CCDC68: variants seen among roughly 807,000 people sequenced by gnomAD.
CCDC68 encodes coiled-coil domain containing 68, also known as coiled-coil domain-containing protein 68.
In CCDC68, 45 loss-of-function variants were observed where a neutral mutation model predicts 47.1. The observed-to-expected ratio is 0.96, with a 90% confidence interval of 0.75 to 1.23. The LOEUF (loss-of-function observed/expected upper bound fraction) is 1.23, where lower values mean the gene tolerates loss of function less well. CCDC68 is among the 50% of genes most tolerant of loss of function. CCDC68 has a pLI of 0.00. For missense variants in CCDC68, 353 were observed against 373.6 expected, an observed-to-expected ratio of 0.94 and a Z score of 0.45; for synonymous variants, 131 against 129.5, an observed-to-expected ratio of 1.01 and a Z score of -0.08.
intron 7 of CCDC68, among the ~76,000 whole-genome samples, 172 bp from the exon 8 acceptor site, chr18:54,929,054 A>C (rs2044198363): frequency 6.6e-6 from 1 of 152,224 alleles, no homozygotes; most frequent in Admixed American, 6.5e-5. Flanking sequence ...CTTTGCACAT[A>C]GTTCAACTAT....
At position 54,904,445 on chromosome 18, in the gene CCDC68, T is replaced by C. The variant is rs1324722042; in HGVS notation, c.951-30A>G. 3 of 1,575,756 alleles carry C rather than the reference T, an allele frequency of 1.9e-6. No homozygotes were observed. The South Asian group carries it at 3.3e-5, about 17-fold the overall frequency. On this transcript the variant is annotated intron_variant, in intron 11 of 11. Coordinates refer to ENST00000591504, the MANE Select transcript of CCDC68 (RefSeq NM_025214.3). ...AGAAAAGACAACACGATGATCAAAA[T>C]GGAGAATGTTAAACTCTAGTGATTA...
chr18:54,905,776 A>T (rs911218482), intron 11 of CCDC68, among the ~76,000 whole-genome samples: 1 of 152,182 alleles, frequency 6.6e-6, no homozygotes, highest in African/African-American at 2.4e-5. Context: ...AGGACTACAC[A>T]GCAGGAGGTG....
intron 10 of CCDC68, among the ~76,000 whole-genome samples, chr18:54,909,037 T>C (rs1914184323): frequency 6.6e-6 from 1 of 152,184 alleles, no homozygotes. Context: ...AACTATAAAT[T>C]GAATTCCAAA....
intron 8 of CCDC68, among the ~76,000 whole-genome samples, chr18:54,923,901 C>T (rs1374677891): frequency 1.3e-5 from 2 of 151,952 alleles, no homozygotes; most frequent in South Asian, 4.2e-4. Context: ...TTAGTGGAGA[C>T]GGGGTTTCAC....
At chr18:54,920,540 A>G (rs531033783) in intron 8 of CCDC68, among the ~76,000 whole-genome samples, 1 of 152,164 alleles carries the variant, frequency 6.6e-6, no homozygotes, top group Non-Finnish European at 1.5e-5. Flanking sequence ...AAAATACTAT[A>G]TAGCATGTTC....
rs530747857 is a variant in CCDC68, at chr18:54,915,235, A to T, written c.873+2678T>A. ...AGCTTCAATAAGAATTTAGTCCAGAATAAAGAGGCATTTCAAATTCACTCA... is the reference window on the plus strand; with the variant it reads ...AGCTTCAATAAGAATTTAGTCCAGATTAAAGAGGCATTTCAAATTCACTCA... On this transcript the variant is annotated intron_variant, in intron 10 of 11. Transcript: ENST00000591504. Among the ~76,000 whole-genome samples, 4 of 152,388 alleles carry T rather than the reference A, an allele frequency of 2.6e-5. No homozygotes were observed. The South Asian group carries it at 8.3e-4, about 32-fold the overall frequency.
intron 10 of CCDC68, among the ~76,000 whole-genome samples, 166 bp downstream of exon 10, chr18:54,917,747 C>T (rs540815338): frequency 2.0e-5 from 3 of 151,930 alleles, no homozygotes; most frequent in African/African-American, 4.8e-5. Context: ...CTCATATGCC[C>T]GCTCCCAAAC....
At chr18:54,944,222 T>C (rs979720500) in intron 2 of CCDC68, among the ~76,000 whole-genome samples, 9 of 152,114 alleles carry the variant, frequency 5.9e-5, no homozygotes, top group Non-Finnish European at 1.0e-4. Flanking sequence ...AAAAGGAAAC[T>C]AGGACTTCTT....
At chr18:54,925,699 CT>C (rs1305043880) in intron 8 of CCDC68, among the ~76,000 whole-genome samples, 27 of 152,176 alleles carry the variant, frequency 1.8e-4, no homozygotes, top group Non-Finnish European at 5.9e-5. Flanking sequence ...AAGAATCTTA[CT>C]ACCATCTGTG....
intron 1 of CCDC68, among the ~76,000 whole-genome samples, chr18:54,952,520 G>A (rs941332875): frequency 3.3e-5 from 5 of 152,254 alleles, no homozygotes; most frequent in African/African-American, 1.2e-4. Flanking sequence ...AATGGAAAAT[G>A]TGGAGCTGCT....
At chr18:54,953,043 A>C (rs1017805005) in intron 1 of CCDC68, among the ~76,000 whole-genome samples, 1 of 152,138 alleles carries the variant, frequency 6.6e-6, no homozygotes. Flanking sequence ...TTACGGATAC[A>C]CCCAACAACA....
At chr18:54,909,671 A>T (rs1001169367) in intron 10 of CCDC68, among the ~76,000 whole-genome samples, 22 of 152,206 alleles carry the variant, frequency 1.4e-4, no homozygotes. Context: ...ATAGTCAAAC[A>T]TGCCGACTGC....
intron 4 of CCDC68, among the ~76,000 whole-genome samples, chr18:54,938,419 A>C (rs567448410): frequency 6.6e-6 from 1 of 152,378 alleles, no homozygotes; most frequent in South Asian, 2.1e-4. Context: ...TAAAAATCTA[A>C]GTTGTGGACA....
chr18:54,947,767 G>A (rs532125688), intron 1 of CCDC68, among the ~76,000 whole-genome samples: 1 of 152,314 alleles, frequency 6.6e-6, no homozygotes, highest in East Asian at 1.9e-4. Context: ...TTCCAGGAAA[G>A]AAGCAGGTTA....
chr18:54,936,650 G>A (rs2044353732), intron 6 of CCDC68, among the ~76,000 whole-genome samples, 183 bp downstream of exon 6: 1 of 152,112 alleles, frequency 6.6e-6, no homozygotes, highest in African/African-American at 2.4e-5. Context: ...CAACATCTGG[G>A]GTGTCCGGCT....
At chr18:54,919,222 A>G (rs2044009437) in intron 9 of CCDC68, 49 bp downstream of exon 9, 1 of 1,436,154 alleles carries the variant, frequency 7.0e-7, no homozygotes, top group Non-Finnish European at 9.8e-7. Context: ...TTTGGGCTCC[A>G]CGCTGTAAAC....
intron 10 of CCDC68, among the ~76,000 whole-genome samples, chr18:54,908,546 A>G (rs1386339344): frequency 6.6e-6 from 1 of 152,216 alleles, no homozygotes; most frequent in Non-Finnish European, 1.5e-5. Context: ...CACTGGTTAC[A>G]TGACCTCATT....
At chr18:54,954,782 C>A (rs2044683831) in intron 1 of CCDC68, 1 of 152,000 alleles carries the variant, frequency 6.6e-6, no homozygotes, top group South Asian at 2.1e-4. Context: ...AAATCCTTAC[C>A]AAGGAAACAA....
chr18:54,904,465 T>C, intron 11 of CCDC68, 50 bp from the exon 12 acceptor site: 1 of 1,421,212 alleles, frequency 7.0e-7, no homozygotes, highest in Non-Finnish European at 9.9e-7. Flanking sequence ...TAAACTCTAG[T>C]GATTATGGCT....
Sources: gnomAD v4.1 joint callset for allele counts (sites outside exome capture counted in the v4.1 genomes callset) on GRCh38, gnomAD v4.1.1 for gene constraint, MANE v1.5 for transcripts, NCBI Gene and HGNC (gene_info 2026-07-23, HGNC 2026-07-21) for gene names.